Variants in TXNDC16 observed in about 807,000 individuals in gnomAD.
TXNDC16 encodes thioredoxin domain-containing protein 16.
In TXNDC16, 74 loss-of-function variants were observed where a neutral mutation model predicts 85.6. The observed-to-expected ratio is 0.86, with a 90% confidence interval of 0.72 to 1.05. TXNDC16 has a LOEUF of 1.05. TXNDC16 is among the 50% of genes least tolerant of loss of function. The pLI, the probability that TXNDC16 is intolerant of heterozygous loss-of-function variation, is 0.00. For synonymous variants in TXNDC16, 335 were observed against 326.5 expected, an observed-to-expected ratio of 1.03 and a Z score of -0.28; for missense variants, 959 against 947.0, an observed-to-expected ratio of 1.01 and a Z score of -0.17.
At chr14:52,527,018 C>T (rs2037351841) in intron 6 of TXNDC16, among the ~76,000 whole-genome samples, 2 of 152,350 alleles carry the variant, frequency 1.3e-5, no homozygotes, top group Admixed American at 1.3e-4. Flanking sequence ...AGCTCCACGC[C>T]CCTTTCCATG....
chr14:52,468,002 G>C (rs2035816300), intron 16 of TXNDC16, among the ~76,000 whole-genome samples: 1 of 152,150 alleles, frequency 6.6e-6, no homozygotes, highest in African/African-American at 2.4e-5. Flanking sequence ...GTCAGAAAAA[G>C]ATAAATACTG....
Position 52,514,939 on chromosome 14 carries a change from C to T in TXNDC16, c.546G>A (p.Val182=). ...AGACAAATTGGTATGTAGTCCCATA[C>T]ACAAAAGCGGCTTCCATGACTGCTC... ...EHRAVMEAAF[V]YGTTYQFVLT... is the part of the protein sequence containing the mutation. Residue 182 remains valine (V), a synonymous_variant, in exon 8 of 21, where the codon GTG becomes GTA. Coordinates refer to ENST00000281741, the MANE Select transcript of TXNDC16 (RefSeq NM_020784.3). The T allele has an allele frequency of 1.2e-6, 2 of 1,612,818 alleles. No homozygotes were observed. Among genetic ancestry groups the T allele is most frequent in the Non-Finnish European group, 1.7e-6 (2 of 1,179,140 alleles).
At chr14:52,508,735 C>T (rs2036878779) in intron 9 of TXNDC16, among the ~76,000 whole-genome samples, 1 of 152,126 alleles carries the variant, frequency 6.6e-6, no homozygotes, top group Non-Finnish European at 1.5e-5. Context: ...ACTATGCAGC[C>T]TTAAAAAATG....
chr14:52,517,963 G>A (rs1411398714), intron 7 of TXNDC16, among the ~76,000 whole-genome samples: 1 of 152,068 alleles, frequency 6.6e-6, no homozygotes, highest in Non-Finnish European at 1.5e-5. Flanking sequence ...GCTTGTCAAG[G>A]TCACCAGTAA....
chr14:52,453,958 A>C (rs1164782124), intron 18 of TXNDC16, among the ~76,000 whole-genome samples: 1 of 152,234 alleles, frequency 6.6e-6, no homozygotes, highest in East Asian at 1.9e-4. Context: ...AGAATAAAGA[A>C]GACCTAGTAT....
intron 6 of TXNDC16, among the ~76,000 whole-genome samples, chr14:52,529,334 A>AG (rs1401242708): frequency 7.5e-6 from 1 of 133,402 alleles, no homozygotes; most frequent in Non-Finnish European, 1.6e-5. Flanking sequence ...GGGTGGGAGG[A>AG]GGGGGGAGGG....
In TXNDC16 at chr14:52,470,410, T is replaced by C. The variant is rs530081140; in HGVS notation, c.1481+102A>G. On this transcript the variant is annotated intron_variant, in intron 15 of 20. Transcript: ENST00000281741. ...AATATTCATTTTGTGATCTCAATTC[T>C]AGTATCTTCCTTAACCTATTTTAAG... 23 of 1,294,544 alleles carry C rather than the reference T, an allele frequency of 1.8e-5. No homozygotes were observed. The East Asian group carries it at 5.2e-4, about 29-fold the overall frequency. The allele number at this position is 1,294,544 out of a possible 1,614,324, so 80.2% of individuals were successfully genotyped here.
chr14:52,542,482 T>C, intron 3 of TXNDC16, 29 bp from the exon 4 acceptor site: 2 of 1,504,396 alleles, frequency 1.3e-6, no homozygotes, highest in Non-Finnish European at 1.8e-6. Context: ...CATGAATGTT[T>C]ATGAATTGCC....
intron 9 of TXNDC16, among the ~76,000 whole-genome samples, chr14:52,506,327 A>G (rs2036799010): frequency 6.6e-6 from 1 of 152,196 alleles, no homozygotes; most frequent in African/African-American, 2.4e-5. Context: ...AATCCTCAAT[A>G]AAATACTGGC....
At chr14:52,466,392 CAAAAAAA>C (rs35493549) in intron 16 of TXNDC16, among the ~76,000 whole-genome samples, 1 of 56,700 alleles carries the variant, frequency 1.8e-5, no homozygotes, top group Non-Finnish European at 3.1e-5. Flanking sequence ...GACTCTGTCT[CAAAAAAA>C]AAAAAAAAAA....
At chr14:52,441,704 A>G (rs1351810021) in intron 18 of TXNDC16, among the ~76,000 whole-genome samples, 2 of 152,110 alleles carry the variant, frequency 1.3e-5, no homozygotes, top group Admixed American at 6.6e-5. Flanking sequence ...AAAATTTTGT[A>G]TGCCTTTCTC....
intron 6 of TXNDC16, among the ~76,000 whole-genome samples, chr14:52,521,657 T>G (rs1408911477): frequency 6.6e-6 from 1 of 152,166 alleles, no homozygotes; most frequent in African/African-American, 2.4e-5. Flanking sequence ...GCTTAAATAT[T>G]TACCCATTCA....
chr14:52,451,858 G>A (rs539655539), intron 18 of TXNDC16, among the ~76,000 whole-genome samples: 6 of 152,088 alleles, frequency 3.9e-5, no homozygotes, highest in Non-Finnish European at 8.8e-5. Context: ...ACAAGACAAA[G>A]AAATAATAGG....
At position 52,511,264 on chromosome 14, in the gene TXNDC16, A is replaced by T. The variant is rs762533001; in HGVS notation, c.732T>A (p.Ile244=). The change falls in exon 9 of 21, where the codon ATT becomes ATA. Residue 244 remains isoleucine, a synonymous_variant. Coordinates refer to ENST00000281741, the MANE Select transcript of TXNDC16 (RefSeq NM_020784.3). ...PLTTLNIHLF[I]KTMKAPLLTE... is the part of the protein sequence containing the mutation. ...CCAACAGAGGTGCTTTCATTGTCTTAATAAACAGGTGAATGTTCAGTGTAG... is the reference window on the plus strand; with the variant it reads ...CCAACAGAGGTGCTTTCATTGTCTTTATAAACAGGTGAATGTTCAGTGTAG... The T allele has an allele frequency of 6.3e-7, 1 of 1,583,328 alleles. No homozygotes were observed. Among genetic ancestry groups the T allele is most frequent in the Non-Finnish European group, 8.6e-7 (1 of 1,161,430 alleles).
chr14:52,515,227 T>C lies in TXNDC16; in HGVS notation c.515-257A>G, dbSNP rs1026970833. ...CTTGAGAATATAATATACAACAAAC[T>C]TGTGGTAGTTTCTTTCTAGTAGTAG... On this transcript the variant is annotated intron_variant, in intron 7 of 20. Coordinates refer to ENST00000281741, the MANE Select transcript of TXNDC16 (RefSeq NM_020784.3). Among the ~76,000 whole-genome samples the C allele has an allele frequency of 3.3e-5, 5 of 152,206 alleles. No homozygotes were observed. The East Asian group carries it at 9.6e-4, about 29-fold the overall frequency.
chr14:52,497,645 T>A (rs1372106934), intron 9 of TXNDC16, among the ~76,000 whole-genome samples: 1 of 152,158 alleles, frequency 6.6e-6, no homozygotes, highest in Non-Finnish European at 1.5e-5. Flanking sequence ...TTTGGGAGGC[T>A]GAGGCGGGCG....
At chr14:52,463,800 A>T (rs1401746782) in intron 16 of TXNDC16, among the ~76,000 whole-genome samples, 17 of 152,254 alleles carry the variant, frequency 1.1e-4, no homozygotes, top group Non-Finnish European at 2.9e-5. Flanking sequence ...TATTAACAAA[A>T]CACAAATTTA....
At chr14:52,478,876 G>A (rs191026432) in intron 14 of TXNDC16, among the ~76,000 whole-genome samples, 46 of 152,066 alleles carry the variant, frequency 3.0e-4, no homozygotes, top group African/African-American at 1.1e-3. Context: ...GAAAACTACA[G>A]ACCAATATCC....
intron 14 of TXNDC16, among the ~76,000 whole-genome samples, chr14:52,471,803 A>G (rs2035914096): frequency 1.3e-5 from 2 of 151,958 alleles, no homozygotes; most frequent in African/African-American, 2.4e-5. Context: ...TAGAATCTCA[A>G]GCAGAAATTC....
Sources: allele counts gnomAD v4.1 joint callset (sites outside exome capture counted in the v4.1 genomes callset), GRCh38; gene constraint gnomAD v4.1.1; transcripts MANE v1.5; gene names NCBI Gene and HGNC (gene_info 2026-07-23, HGNC 2026-07-21).